CERS6: variants seen among roughly 807,000 people sequenced by gnomAD.
CERS6 encodes ceramide synthase 6, also known as LAG1 homolog, ceramide synthase 6.
A neutral mutation model predicts 56.8 loss-of-function variants in CERS6; 26 were observed. The observed-to-expected ratio is 0.46, with a 90% CI of 0.34 to 0.63. The LOEUF is 0.63. Ranked by LOEUF, CERS6 falls within the 30% of genes least tolerant of loss-of-function variation. The pLI is 0.01. For synonymous variants in CERS6, 164 were observed against 173.3 expected (o/e 0.95, Z 0.42); for missense variants, 415 against 467.5 (o/e 0.89, Z 1.04).
chr2:168,630,181 A>G (rs994634358), intron 3 of CERS6, among the ~76,000 whole-genome samples: 5 of 151,674 alleles, frequency 3.3e-5, no homozygotes, highest in African/African-American at 1.2e-4. Flanking sequence ...TTTTTATGAT[A>G]TCAGGAATGC....
At chr2:168,572,616 G>C (rs1004034856) in intron 3 of CERS6, among the ~76,000 whole-genome samples, 1 of 152,002 alleles carries the variant, frequency 6.6e-6, no homozygotes, top group African/African-American at 2.4e-5. Context: ...GGGGCAGTTT[G>C]GTCTTTTATT....
chr2:168,511,499 G>A (rs1420152825), intron 1 of CERS6, among the ~76,000 whole-genome samples: 2 of 152,082 alleles, frequency 1.3e-5, no homozygotes, highest in Non-Finnish European at 1.5e-5. Context: ...TGTCTTATTG[G>A]TGTTCTGAAA....
At chr2:168,626,996 G>A (rs1041228805) in intron 3 of CERS6, among the ~76,000 whole-genome samples, 12 of 152,190 alleles carry the variant, frequency 7.9e-5, no homozygotes, top group South Asian at 2.1e-4. Flanking sequence ...TCTTTTGCCC[G>A]TTTAGTGGTA....
chr2:168,750,520 A>G (rs575049071), intron 8 of CERS6, among the ~76,000 whole-genome samples: 1 of 152,188 alleles, frequency 6.6e-6, no homozygotes, highest in African/African-American at 2.4e-5. Flanking sequence ...TACTGCTTTT[A>G]TAACTGCTTT....
chr2:168,732,032 T>C (rs1439574094), intron 8 of CERS6, among the ~76,000 whole-genome samples: 2 of 152,356 alleles, frequency 1.3e-5, no homozygotes, highest in Non-Finnish European at 2.9e-5. Flanking sequence ...TTAAAGCTGC[T>C]GTGAAGAGGT....
At chr2:168,490,252 C>T (rs551717913) in intron 1 of CERS6, among the ~76,000 whole-genome samples, 2 of 152,242 alleles carry the variant, frequency 1.3e-5, no homozygotes, top group Non-Finnish European at 2.9e-5. Flanking sequence ...GGATTCGCTT[C>T]TCCATTTTCT....
chr2:168,705,555 T>TC (rs1266968356), intron 6 of CERS6, among the ~76,000 whole-genome samples: 1 of 151,986 alleles, frequency 6.6e-6, no homozygotes, highest in African/African-American at 2.4e-5. Context: ...TGACAAGAGT[T>TC]CCCCAAACCC....
At chr2:168,660,732 A>G (rs1040162730) in intron 4 of CERS6, among the ~76,000 whole-genome samples, 3 of 151,976 alleles carry the variant, frequency 2.0e-5, no homozygotes, top group East Asian at 1.9e-4. Context: ...TTGCTATCGC[A>G]TAGTCTTTTT....
intron 9 of CERS6, chr2:168,766,369 T>C (rs752161977): frequency 1.3e-6 from 2 of 1,595,666 alleles, no homozygotes; most frequent in South Asian, 2.2e-5. Flanking sequence ...CCTCTCTCTC[T>C]ATCCCTGTCC....
At chr2:168,738,990 A>G (rs924160093) in intron 8 of CERS6, among the ~76,000 whole-genome samples, 5 of 150,834 alleles carry the variant, frequency 3.3e-5, no homozygotes, top group African/African-American at 4.9e-5. Context: ...GCTTCAAGCA[A>G]TTCTTCTGCC....
intron 1 of CERS6, among the ~76,000 whole-genome samples, chr2:168,464,784 C>G (rs1024088275): frequency 6.6e-6 from 1 of 150,426 alleles, no homozygotes; most frequent in Non-Finnish European, 1.5e-5. Flanking sequence ...ACCAAACAAA[C>G]AAAAAAAGAC....
intron 3 of CERS6, among the ~76,000 whole-genome samples, chr2:168,576,271 C>T (rs1342051292): frequency 6.6e-6 from 1 of 152,148 alleles, no homozygotes; most frequent in Non-Finnish European, 1.5e-5. Flanking sequence ...CTTAACATTT[C>T]TTTTTTATCT....
chr2:168,550,486 TTTTA>T (rs1208251029), intron 2 of CERS6, among the ~76,000 whole-genome samples: 1 of 152,166 alleles, frequency 6.6e-6, no homozygotes, highest in Non-Finnish European at 1.5e-5. Context: ...TCAAGGTGTT[TTTTA>T]TTTGTCGTGT....
At chr2:168,537,367 T>C (rs1401910967) in intron 1 of CERS6, among the ~76,000 whole-genome samples, 1 of 152,216 alleles carries the variant, frequency 6.6e-6, no homozygotes, top group Non-Finnish European at 1.5e-5. Context: ...TACCTCAAAG[T>C]GAGATTTCTG....
At chr2:168,640,020 G>T (rs1028015260) in intron 4 of CERS6, among the ~76,000 whole-genome samples, 3 of 152,138 alleles carry the variant, frequency 2.0e-5, no homozygotes, top group Admixed American at 6.5e-5. Context: ...TGACCATTTT[G>T]TGCCCAAGAA....
At chr2:168,551,068 C>T (rs913127830) in intron 2 of CERS6, among the ~76,000 whole-genome samples, 5 of 152,184 alleles carry the variant, frequency 3.3e-5, no homozygotes, top group Non-Finnish European at 5.9e-5. Context: ...TTATAATAAG[C>T]ACAAATTCCA....
chr2:168,480,351 A>G (rs904277114), intron 1 of CERS6, among the ~76,000 whole-genome samples: 6 of 152,236 alleles, frequency 3.9e-5, no homozygotes, highest in Non-Finnish European at 8.8e-5. Context: ...AATGTGTTAA[A>G]CCTTTATATG....
At chr2:168,554,972 A>G (rs1465530837) in intron 2 of CERS6, among the ~76,000 whole-genome samples, 1 of 152,126 alleles carries the variant, frequency 6.6e-6, no homozygotes, top group Non-Finnish European at 1.5e-5. Context: ...TGGAAACACA[A>G]TAGAAAGAAA....
Position 168,456,806 on chromosome 2 carries a change from C to T in CERS6, c.170+188C>T, listed in dbSNP as rs560862175. ...TTTCTGGGAGCCAGAAAGGGTCTGGCTTGCCACGGATTTCCTCCCGGGCGC... is the reference window on the plus strand; with the variant it reads ...TTTCTGGGAGCCAGAAAGGGTCTGGTTTGCCACGGATTTCCTCCCGGGCGC... On this transcript the variant is annotated intron_variant, in intron 1 of 9. Coordinates refer to ENST00000305747, the MANE Select transcript of CERS6 (RefSeq NM_203463.3). The surrounding 1 kb of genome is among the most constrained non-coding windows in gnomAD (Gnocchi z 4.1). Among the ~76,000 whole-genome samples the T allele has an allele frequency of 6.6e-6, 1 of 152,322 alleles. No homozygotes were observed. Among genetic ancestry groups the T allele is most frequent in the Admixed American group, 6.5e-5 (1 of 15,310 alleles).
Sources: allele counts gnomAD v4.1 joint callset (sites outside exome capture counted in the v4.1 genomes callset), GRCh38; gene constraint gnomAD v4.1.1; non-coding constraint Gnocchi (gnomAD v3.1); transcripts MANE v1.5; gene names NCBI Gene and HGNC (gene_info 2026-07-23, HGNC 2026-07-21).